The following SCFD2 variants were observed in gnomAD, a reference collection of about 807,000 sequenced individuals.
SCFD2 encodes the protein sec1 family domain-containing protein 2.
SCFD2 carries 54 observed loss-of-function variants against 58.9 expected under a neutral mutation model. The ratio of observed to expected loss-of-function variants is 0.92; its 90% CI spans 0.74 to 1.15. The LOEUF (loss-of-function observed/expected upper bound fraction) is 1.15, where lower values mean the gene tolerates loss of function less well. Ranked by LOEUF, SCFD2 falls within the 50% of genes most tolerant of loss-of-function variation. The pLI is 0.00. For synonymous variants in SCFD2, 321 were observed against 335.9 expected, an observed-to-expected ratio of 0.96 and a Z score of 0.49; for missense variants, 805 against 836.6, an observed-to-expected ratio of 0.96 and a Z score of 0.47.
chr4:53,182,375 C>A (rs1343442364), intron 4 of SCFD2, among the ~76,000 whole-genome samples: 1 of 152,118 alleles, frequency 6.6e-6, no homozygotes, highest in Non-Finnish European at 1.5e-5. Context: ...TGATCTTTGA[C>A]AAACCTGACA....
intron 5 of SCFD2, among the ~76,000 whole-genome samples, chr4:53,030,685 G>A (rs989981390): frequency 1.3e-5 from 2 of 152,140 alleles, no homozygotes; most frequent in African/African-American, 4.8e-5. Flanking sequence ...GCCTCCCAAA[G>A]TGCTGAGATC....
At chr4:53,201,784 A>G (rs1379539324) in intron 4 of SCFD2, among the ~76,000 whole-genome samples, 1 of 152,208 alleles carries the variant, frequency 6.6e-6, no homozygotes, top group Non-Finnish European at 1.5e-5. Flanking sequence ...AGTGATGATG[A>G]GCATTTTTTC....
intron 4 of SCFD2, among the ~76,000 whole-genome samples, chr4:53,151,167 G>A (rs1344308777): frequency 2.0e-5 from 3 of 152,112 alleles, no homozygotes; most frequent in Non-Finnish European, 4.4e-5. Context: ...ATCACATCTT[G>A]GAACTTAACT....
chr4:53,322,447 G>A (rs947210037), intron 2 of SCFD2, among the ~76,000 whole-genome samples: 17 of 151,966 alleles, frequency 1.1e-4, no homozygotes, highest in Non-Finnish European at 1.2e-4. Context: ...CTTAAAAAAC[G>A]GACTAGATAA....
chr4:52,894,921 A>G (rs1560472855), intron 7 of SCFD2, among the ~76,000 whole-genome samples: 1 of 152,208 alleles, frequency 6.6e-6, no homozygotes, highest in Non-Finnish European at 1.5e-5. Flanking sequence ...TAAAAATGTT[A>G]TATTGTTAAA....
intron 4 of SCFD2, among the ~76,000 whole-genome samples, chr4:53,221,519 C>T (rs750707762): frequency 7.2e-5 from 11 of 152,164 alleles, no homozygotes; most frequent in Admixed American, 2.6e-4. Flanking sequence ...GACAATACTA[C>T]GACAGTTTGG....
At chr4:53,182,050 T>A (rs1239723652) in intron 4 of SCFD2, among the ~76,000 whole-genome samples, 12 of 152,168 alleles carry the variant, frequency 7.9e-5, no homozygotes, top group Non-Finnish European at 1.5e-4. Flanking sequence ...CTAGGAAGAA[T>A]CAATATCGTG....
intron 5 of SCFD2, among the ~76,000 whole-genome samples, chr4:53,122,793 C>G (rs1725519150): frequency 6.6e-6 from 1 of 152,100 alleles, no homozygotes; most frequent in South Asian, 2.1e-4. Context: ...GGAAAGTACG[C>G]AAGGCATTTT....
At chr4:52,901,649 G>A (rs934771434) in intron 7 of SCFD2, among the ~76,000 whole-genome samples, 1 of 152,188 alleles carries the variant, frequency 6.6e-6, no homozygotes, top group African/African-American at 2.4e-5. Context: ...GCAGATTCAT[G>A]AGTAAAATGA....
intron 2 of SCFD2, among the ~76,000 whole-genome samples, chr4:53,336,074 GTA>G (rs1190297219): frequency 1.3e-5 from 2 of 152,168 alleles, no homozygotes; most frequent in African/African-American, 4.8e-5. Flanking sequence ...ATTCTAGATT[GTA>G]TAAAGCCCTT....
At chr4:53,128,574 G>C (rs145978538) in intron 5 of SCFD2, among the ~76,000 whole-genome samples, 29 of 152,204 alleles carry the variant, frequency 1.9e-4, no homozygotes, top group Non-Finnish European at 3.5e-4. Flanking sequence ...GAGCTGTAAG[G>C]TTCGGAGGGG....
intron 5 of SCFD2, among the ~76,000 whole-genome samples, chr4:53,072,528 C>T (rs1431270358): frequency 1.3e-5 from 2 of 151,832 alleles, no homozygotes; most frequent in South Asian, 4.2e-4. Flanking sequence ...AAGAAACAGG[C>T]AACATGGCAC....
intron 5 of SCFD2, among the ~76,000 whole-genome samples, chr4:53,100,190 A>G (rs1238857950): frequency 3.9e-5 from 6 of 152,202 alleles, no homozygotes; most frequent in African/African-American, 1.2e-4. Context: ...TTAAATTGCC[A>G]ACATTTACTA....
At chr4:53,124,705 G>C (rs1192115763) in intron 5 of SCFD2, among the ~76,000 whole-genome samples, 1 of 152,132 alleles carries the variant, frequency 6.6e-6, no homozygotes, top group East Asian at 1.9e-4. Context: ...AGACCCCAAA[G>C]GATCAGCTAT....
chr4:53,258,577 T>TATATATGC (rs757658747), intron 4 of SCFD2, among the ~76,000 whole-genome samples: 4 of 121,404 alleles, frequency 3.3e-5, no homozygotes, highest in African/African-American at 1.3e-4. Context: ...TATATATATA[T>TATATATGC]ACACACACAT....
intron 3 of SCFD2, among the ~76,000 whole-genome samples, chr4:53,286,363 A>G (rs1447101662): frequency 6.6e-6 from 1 of 152,032 alleles, no homozygotes; most frequent in African/African-American, 2.4e-5. Context: ...CAGGGACACA[A>G]AGCCCTAGCC....
intron 3 of SCFD2, among the ~76,000 whole-genome samples, chr4:53,309,008 C>T (rs1732603010): frequency 6.6e-6 from 1 of 151,970 alleles, no homozygotes; most frequent in African/African-American, 2.4e-5. Flanking sequence ...TGGCATGGGC[C>T]TGTAATCCCA....
At chr4:53,093,774 G>A (rs1724539180) in intron 5 of SCFD2, among the ~76,000 whole-genome samples, 1 of 152,012 alleles carries the variant, frequency 6.6e-6, no homozygotes, top group African/African-American at 2.4e-5. Context: ...ATGTATTTGT[G>A]TGTGTGTAGA....
intron 5 of SCFD2, among the ~76,000 whole-genome samples, chr4:52,930,178 T>C (rs916370817): frequency 5.3e-5 from 8 of 151,968 alleles, no homozygotes; most frequent in African/African-American, 1.9e-4. Flanking sequence ...TGGAACAGAA[T>C]AGAGATCTCA....
Sources: gnomAD v4.1 joint callset for allele counts (sites outside exome capture counted in the v4.1 genomes callset) on GRCh38, gnomAD v4.1.1 for gene constraint, MANE v1.5 for transcripts, NCBI Gene and HGNC (gene_info 2026-07-23, HGNC 2026-07-21) for gene names.